ABCC12: variants seen among roughly 807,000 people sequenced by gnomAD.
The protein encoded by ABCC12 is ATP-binding cassette sub-family C member 12.
In ABCC12, 142 loss-of-function variants were observed where a neutral mutation model predicts 151.1. That is an observed-to-expected ratio of 0.94 (90% confidence interval 0.82 to 1.08). The LOEUF (loss-of-function observed/expected upper bound fraction) is 1.08, where lower values mean the gene tolerates loss of function less well. ABCC12 is among the 50% of genes least tolerant of loss of function. The pLI, the probability that ABCC12 is intolerant of heterozygous loss-of-function variation, is 0.00. For missense variants in ABCC12, 1,638 were observed against 1,691.1 expected (o/e 0.97, Z 0.55); for synonymous variants, 645 against 646.4 (o/e 1.00, Z 0.03).
At chr16:48,123,694 T>C (rs1428895527) in intron 12 of ABCC12, among the ~76,000 whole-genome samples, 1 of 152,192 alleles carries the variant, frequency 6.6e-6, no homozygotes, top group African/African-American at 2.4e-5. Context: ...GCTTAGCCAT[T>C]TTCCCTGGGG....
At chr16:48,131,727 T>C (rs965921744) in intron 9 of ABCC12, among the ~76,000 whole-genome samples, 3 of 152,224 alleles carry the variant, frequency 2.0e-5, no homozygotes, top group African/African-American at 4.8e-5. Flanking sequence ...TACAACTTTC[T>C]TCATCAAATC....
At chr16:48,122,569 T>C (rs758784410) in intron 12 of ABCC12, among the ~76,000 whole-genome samples, 1 of 152,104 alleles carries the variant, frequency 6.6e-6, no homozygotes, top group Non-Finnish European at 1.5e-5. Flanking sequence ...AGAGGGTACA[T>C]GTGGGGCAGG....
At chr16:48,132,947 A>G (rs1258691095) in intron 9 of ABCC12, among the ~76,000 whole-genome samples, 1 of 152,302 alleles carries the variant, frequency 6.6e-6, no homozygotes, top group East Asian at 1.9e-4. Flanking sequence ...CAGAGTCTGG[A>G]TTTAAACAAG....
chr16:48,107,529 GA>G (rs778092153), intron 19 of ABCC12, 104 bp from the exon 20 acceptor site: 293 of 985,242 alleles, frequency 3.0e-4, no homozygotes, highest in Non-Finnish European at 4.1e-4. Context: ...AAACCTGCAG[GA>G]AAAGGACTCC....
chr16:48,128,382 A>G (rs1388091706), intron 11 of ABCC12, 77 bp downstream of exon 11: 1 of 1,567,126 alleles, frequency 6.4e-7, no homozygotes, highest in African/African-American at 1.4e-5. Flanking sequence ...ACTGAACTGT[A>G]TCAGACCTGG....
chr16:48,146,670 TTAG>T, intron 2 of ABCC12, 196 bp from the exon 3 acceptor site: 1 of 431,022 alleles, frequency 2.3e-6, no homozygotes, highest in South Asian at 4.0e-5. Flanking sequence ...GGCTTTCTTA[TTAG>T]TAGGACCATT....
intron 11 of ABCC12, among the ~76,000 whole-genome samples, chr16:48,126,901 T>C (rs1277712109): frequency 6.6e-6 from 1 of 152,154 alleles, no homozygotes; most frequent in African/African-American, 2.4e-5. Flanking sequence ...GCAAAGCCAT[T>C]GCGTGGCCAG....
At chr16:48,092,801 T>A (rs1425599076) in intron 24 of ABCC12, among the ~76,000 whole-genome samples, 2 of 151,928 alleles carry the variant, frequency 1.3e-5, no homozygotes, top group Non-Finnish European at 2.9e-5. Flanking sequence ...AGATAGGGGT[T>A]TCCAGAGGAC....
intron 11 of ABCC12, among the ~76,000 whole-genome samples, chr16:48,125,860 T>C (rs909479144): frequency 6.6e-6 from 1 of 151,996 alleles, no homozygotes; most frequent in African/African-American, 2.4e-5. Flanking sequence ...TGGGATAAAA[T>C]AGTGATCCAC....
rs1329090766 is a variant in ABCC12 at position 48,104,310 on chromosome 16, C to T, written c.2732G>A (p.Arg911His). ...DTTPTGRLMN[R>H]FSKDMDELDV... ...CAGCTCGTCCATATCCTTGGAAAAACGGTTCATTAGCCTGCCAGTGGGAGT... is the reference window on the plus strand; with the variant it reads ...CAGCTCGTCCATATCCTTGGAAAAATGGTTCATTAGCCTGCCAGTGGGAGT... The change falls in exon 22 of 31, where the codon CGT (arginine) becomes CAT (histidine). Residue 911 changes from arginine to histidine, a missense_variant. By Grantham distance (29) the Arg-to-His change is conservative. Coordinates refer to ENST00000311303, the MANE Select transcript of ABCC12 (RefSeq NM_001393797.1). 15 of 1,614,228 alleles carry T rather than the reference C, an allele frequency of 9.3e-6. No individual in the cohort carries two copies. The highest frequency in any genetic ancestry group is 2.7e-5 in the African/African-American group (2 of 75,058).
Position 48,105,212 on chromosome 16 carries a change from A to T in ABCC12, c.2600T>A (p.Val867Asp), listed in dbSNP as rs1294217693. 6.2e-7 allele frequency: 1 copy of T among 1,614,158 alleles called. No homozygotes were observed. The change falls in exon 21 of 31, where the codon GTC becomes GAC. Residue 867 changes from valine to aspartate, a missense_variant. By Grantham distance (152) the Val-to-Asp change is radical. Transcript: ENST00000311303. ...ASMVFMLVFG[V>D]TKGFVFTKTT... ...CTTGGTGAAGACGAAGCCTTTGGTG[A>T]CGCCAAACACCAGCATGAACACCAT...
chr16:48,126,523 C>A (rs1964246012), intron 11 of ABCC12, among the ~76,000 whole-genome samples: 1 of 152,342 alleles, frequency 6.6e-6, no homozygotes, highest in East Asian at 1.9e-4. Context: ...TTAAGCTGGA[C>A]ATAATTGTTA....
chr16:48,086,965 C>G, intron 27 of ABCC12, 146 bp from the exon 28 acceptor site: 2 of 695,650 alleles, frequency 2.9e-6, no homozygotes, highest in East Asian at 5.1e-5. Flanking sequence ...CAGTACAGGA[C>G]AGTGGTCCAC....
chr16:48,125,342 C>T (rs1395364292), intron 11 of ABCC12, among the ~76,000 whole-genome samples: 1 of 152,144 alleles, frequency 6.6e-6, no homozygotes, highest in East Asian at 1.9e-4. Context: ...GGTATTGATG[C>T]CCCAGCAGTC....
intron 10 of ABCC12, among the ~76,000 whole-genome samples, chr16:48,130,552 C>A (rs776417937): frequency 2.6e-5 from 4 of 152,314 alleles, no homozygotes; most frequent in Non-Finnish European, 1.5e-5. Context: ...GGATCAGGAA[C>A]ATCTTCTTCA....
At chr16:48,088,519 GAA>G in intron 26 of ABCC12, 24 bp downstream of exon 26, 1 of 1,601,090 alleles carries the variant, frequency 6.2e-7, no homozygotes, top group South Asian at 1.1e-5. Flanking sequence ...CAACCCAAAA[GAA>G]ACAAAAGCAG....
intron 29 of ABCC12, among the ~76,000 whole-genome samples, chr16:48,084,734 G>A (rs1416747906): frequency 1.3e-5 from 2 of 152,070 alleles, no homozygotes; most frequent in African/African-American, 4.8e-5. Context: ...CAACTGCAGA[G>A]TCCCTTTTGC....
At chr16:48,139,842 C>G (rs1349531012) in intron 6 of ABCC12, among the ~76,000 whole-genome samples, 1 of 152,168 alleles carries the variant, frequency 6.6e-6, no homozygotes, top group African/African-American at 2.4e-5. Flanking sequence ...TTCTTCTGTT[C>G]CTCTTTCTCC....
At chr16:48,134,168 G>A (rs181141859) in intron 8 of ABCC12, among the ~76,000 whole-genome samples, 91 of 152,326 alleles carry the variant, frequency 6.0e-4, no homozygotes, top group African/African-American at 2.1e-3. Context: ...AGACCAGAGC[G>A]GGGCTCTGCA....
Sources: gnomAD v4.1 joint callset for allele counts (sites outside exome capture counted in the v4.1 genomes callset) on GRCh38, gnomAD v4.1.1 for gene constraint, MANE v1.5 for transcripts, NCBI Gene and HGNC (gene_info 2026-07-23, HGNC 2026-07-21) for gene names.